Variants in DSCAM observed in about 807,000 individuals in gnomAD.
DSCAM encodes the protein DS cell adhesion molecule, also known as cell adhesion molecule DSCAM.
Under a neutral mutation model 217.7 loss-of-function variants are expected in DSCAM, and 47 were observed. The ratio of observed to expected loss-of-function variants is 0.22; its 90% CI spans 0.17 to 0.28. The LOEUF is 0.28. Ranked by LOEUF, DSCAM falls within the 10% of genes least tolerant of loss-of-function variation. The pLI, the probability that DSCAM is intolerant of heterozygous loss-of-function variation, is 1.00. For missense variants in DSCAM, 2,080 were observed against 2,618.3 expected, an observed-to-expected ratio of 0.79 and a Z score of 4.49; for synonymous variants, 1,056 against 1,015.3, an observed-to-expected ratio of 1.04 and a Z score of -0.76.
At chr21:40,508,626 C>T (rs995752069) in intron 3 of DSCAM, among the ~76,000 whole-genome samples, 3 of 150,074 alleles carry the variant, frequency 2.0e-5, no homozygotes, top group Non-Finnish European at 3.0e-5. Flanking sequence ...TGGAATGCAG[C>T]GGTGCAGTCA....
intron 3 of DSCAM, among the ~76,000 whole-genome samples, chr21:40,482,907 C>T (rs368021291): frequency 1.3e-5 from 2 of 152,288 alleles, no homozygotes; most frequent in East Asian, 1.9e-4. Context: ...ACACTGAATG[C>T]TATCAGGGAG....
intron 11 of DSCAM, among the ~76,000 whole-genome samples, chr21:40,239,999 T>C (rs1462085605): frequency 6.6e-6 from 1 of 152,202 alleles, no homozygotes; most frequent in Non-Finnish European, 1.5e-5. Context: ...ACATCGCCTC[T>C]ACCATAGCTG....
intron 20 of DSCAM, among the ~76,000 whole-genome samples, chr21:40,106,256 C>G (rs116948216): frequency 0.011 from 1,712 of 152,224 alleles, 16 homozygotes; most frequent in Non-Finnish European, 0.014. Flanking sequence ...TACCTTCCAC[C>G]GGGTCTTTCC....
At chr21:40,315,297 G>A (rs958559513) in intron 8 of DSCAM, among the ~76,000 whole-genome samples, 25 of 151,868 alleles carry the variant, frequency 1.6e-4, no homozygotes, top group Non-Finnish European at 2.9e-4. Flanking sequence ...CCAGCTACTA[G>A]GGAGGCTGAG....
At position 40,075,090 on chromosome 21, in the gene DSCAM, A is replaced by G. The variant is rs1172137435; in HGVS notation, c.4835T>C (p.Leu1612Pro). ...ILVGVLLLFV[L>P]LLVVRRRRRE... ...CCGCCTCCTCCGCACAACCAGCAGGAGCACAAACAGCAGCAAGACCCCCAC... is the reference window on the plus strand; with the variant it reads ...CCGCCTCCTCCGCACAACCAGCAGGGGCACAAACAGCAGCAAGACCCCCAC... Residue 1612 changes from leucine (L) to proline (P), a missense_variant, in exon 27 of 33, where the codon CTC (leucine) becomes CCC (proline). Leu to Pro is a moderately conservative substitution (Grantham distance 98, BLOSUM62 -3). Transcript: ENST00000400454. The G allele has an allele frequency of 6.2e-7, 1 of 1,614,184 alleles. No homozygotes were observed. The highest frequency in any genetic ancestry group is 1.1e-5 in the South Asian group (1 of 91,084).
intron 1 of DSCAM, among the ~76,000 whole-genome samples, chr21:40,841,547 G>A (rs556194548): frequency 2.7e-4 from 41 of 152,204 alleles, no homozygotes; most frequent in Admixed American, 1.4e-3. Flanking sequence ...GGGAACAGGT[G>A]TTTTCCAGTG....
intron 20 of DSCAM, among the ~76,000 whole-genome samples, chr21:40,120,171 T>C (rs951299974): frequency 2.0e-5 from 3 of 152,186 alleles, no homozygotes; most frequent in Admixed American, 2.0e-4. Context: ...TTCTCACTGA[T>C]TAACTCAGCA....
At chr21:40,216,074 C>T (rs76187590) in intron 11 of DSCAM, among the ~76,000 whole-genome samples, 1 of 152,034 alleles carries the variant, frequency 6.6e-6, no homozygotes, top group African/African-American at 2.4e-5. Context: ...GCAATGATTT[C>T]TTTTGGCCTC....
intron 3 of DSCAM, among the ~76,000 whole-genome samples, chr21:40,480,194 C>T (rs2075970319): frequency 6.6e-6 from 1 of 152,166 alleles, no homozygotes; most frequent in African/African-American, 2.4e-5. Flanking sequence ...AGAGGCAGTT[C>T]CTTGTGCCCT....
At chr21:40,555,173 C>G (rs995996380) in intron 3 of DSCAM, among the ~76,000 whole-genome samples, 2 of 152,172 alleles carry the variant, frequency 1.3e-5, no homozygotes, top group Admixed American at 6.5e-5. Flanking sequence ...TGTTAAGTAA[C>G]TAGCTCAGGG....
chr21:40,018,447 A>G (rs1240522697), intron 32 of DSCAM, among the ~76,000 whole-genome samples: 1 of 152,208 alleles, frequency 6.6e-6, no homozygotes, highest in Non-Finnish European at 1.5e-5. Flanking sequence ...CTTTAAATAT[A>G]TAGGTCAAGA....
At chr21:40,578,609 G>A (rs920451140) in intron 3 of DSCAM, among the ~76,000 whole-genome samples, 3 of 152,168 alleles carry the variant, frequency 2.0e-5, no homozygotes, top group African/African-American at 7.2e-5. Context: ...GACCCCTTTT[G>A]CACTGTGGTA....
chr21:40,320,830 C>A (rs1330192758), intron 8 of DSCAM, among the ~76,000 whole-genome samples: 1 of 152,154 alleles, frequency 6.6e-6, no homozygotes, highest in Non-Finnish European at 1.5e-5. Context: ...TCCCACAACA[C>A]GTGGGAATTA....
intron 1 of DSCAM, among the ~76,000 whole-genome samples, chr21:40,803,612 C>A (rs926133255): frequency 6.6e-6 from 1 of 152,002 alleles, no homozygotes; most frequent in African/African-American, 2.4e-5. Flanking sequence ...ATGTGTGATT[C>A]TATTATTGTT....
At chr21:40,577,997 C>G (rs2076868553) in intron 3 of DSCAM, among the ~76,000 whole-genome samples, 1 of 152,118 alleles carries the variant, frequency 6.6e-6, no homozygotes, top group South Asian at 2.1e-4. Context: ...CTATCTGGCT[C>G]TCTTAGCTAA....
chr21:40,232,965 G>A lies in DSCAM; in HGVS notation c.2356+43132C>T, dbSNP rs189610929. On this transcript the variant is annotated intron_variant, in intron 11 of 32. Transcript: ENST00000400454. ...TAAATATGTATAATTTATAAATGTA[G>A]TTTAATATATAAAGAAGAAAATGAA... Among the ~76,000 whole-genome samples, 512 of 152,142 alleles carry A rather than the reference G, an allele frequency of 3.4e-3. 1 individual carries two copies. The highest frequency in any genetic ancestry group is 0.011 in the African/African-American group (472 of 41,542).
At chr21:40,341,535 A>T (rs7279262) in intron 6 of DSCAM, among the ~76,000 whole-genome samples, 3 of 151,978 alleles carry the variant, frequency 2.0e-5, no homozygotes, top group East Asian at 3.9e-4. Flanking sequence ...GAGTAACCAC[A>T]AAAACGATCA....
intron 27 of DSCAM, among the ~76,000 whole-genome samples, chr21:40,064,914 C>T (rs2089183554): frequency 6.6e-6 from 1 of 152,062 alleles, no homozygotes; most frequent in Admixed American, 6.5e-5. Context: ...GGTGTGGGTG[C>T]TGTGAACTAG....
intron 8 of DSCAM, among the ~76,000 whole-genome samples, chr21:40,323,533 A>C (rs560461495): frequency 4.7e-4 from 71 of 152,308 alleles, no homozygotes; most frequent in African/African-American, 1.7e-3. Context: ...ATAAAAAAAG[A>C]AGCAAGGGAA....
Sources: gnomAD v4.1 joint callset for allele counts (sites outside exome capture counted in the v4.1 genomes callset) on GRCh38, gnomAD v4.1.1 for gene constraint, MANE v1.5 for transcripts, NCBI Gene and HGNC (gene_info 2026-07-23, HGNC 2026-07-21) for gene names.